The following STAT1 variants were observed in gnomAD, a reference collection of about 807,000 sequenced individuals.
STAT1 encodes the protein signal transducer and activator of transcription 1.
In STAT1, 24 loss-of-function variants were observed where a neutral mutation model predicts 111.7. The observed-to-expected ratio is 0.21, with a 90% confidence interval of 0.16 to 0.30. The LOEUF is 0.30. STAT1 is among the 10% of genes least tolerant of loss of function. STAT1 has a pLI of 1.00. For synonymous variants in STAT1, 332 were observed against 326.5 expected (o/e 1.02, Z -0.18); for missense variants, 351 against 911.9 (o/e 0.38, Z 7.92).
Position 190,980,505 on chromosome 2 carries a change from GAGA to G in STAT1, c.1632+112_1632+114del, listed in dbSNP as rs1295771955. ...ACTTGCCCGAGGGGCTCCTTGGCCA[GAGA>G]AGAACACGCCAAAATAAGCAAACAG... On this transcript the variant is annotated intron_variant, in intron 19 of 24. Coordinates refer to ENST00000361099, the MANE Select transcript of STAT1 (RefSeq NM_007315.4). The surrounding 1 kb of genome is among the most constrained non-coding windows in gnomAD (Gnocchi z 6.1). 1.6e-6 allele frequency: 2 copies of G among 1,275,576 alleles called. No individual in the cohort carries two copies. Among genetic ancestry groups the G allele is most frequent in the Non-Finnish European group, 2.3e-6 (2 of 874,222 alleles). The allele number at this position is 1,275,576 out of a possible 1,614,324, so 79.0% of individuals were successfully genotyped here.
chr2:190,970,781 T>A lies in STAT1; in HGVS notation c.2239-64A>T. ...ATCTTGTGAAATGCAGACTCATACA[T>A]TAAACATTGCTTGTCTATTCTAGAA... is the stretch of plus-strand genomic sequence containing the variant. On this transcript the variant is annotated intron_variant, in intron 24 of 24. Transcript: ENST00000361099. This position sits in a 1 kb window ranked among gnomAD's most constrained non-coding sequence, Gnocchi z 5.4. 1 of 1,452,352 alleles carries A rather than the reference T, an allele frequency of 6.9e-7. No homozygotes were observed. The highest frequency in any genetic ancestry group is 1.7e-5 in the Admixed American group (1 of 59,784). 90.0% of individuals were successfully genotyped at this position (1,452,352 alleles called of 1,614,324 possible). A position where few individuals can be genotyped will look rare whatever the true frequency, so the allele number is the denominator to read the frequency against.
At position 190,982,144 on chromosome 2, in the gene STAT1, T is replaced by C. The variant is rs954496917; in HGVS notation, c.1582+239A>G. Among the ~76,000 whole-genome samples the C allele has an allele frequency of 2.0e-5, 3 of 152,262 alleles. No individual in the cohort carries two copies. The highest frequency in any genetic ancestry group is 4.4e-5 in the Non-Finnish European group (3 of 68,046). ...CATAAAACTTTCCCTTGGGAATTCA[T>C]CTCAGAAATCTTAATATGAGACAAT... is the stretch of plus-strand genomic sequence containing the variant. On this transcript the variant is annotated intron_variant, in intron 18 of 24. Coordinates refer to ENST00000361099, the MANE Select transcript of STAT1 (RefSeq NM_007315.4). This position sits in a 1 kb window ranked among gnomAD's most constrained non-coding sequence, Gnocchi z 7.3.
At chr2:191,011,475 G>A (rs1338527811) in intron 2 of STAT1, among the ~76,000 whole-genome samples, 5 of 152,140 alleles carry the variant, frequency 3.3e-5, no homozygotes, top group African/African-American at 1.2e-4. Flanking sequence ...GGAGCGCAGT[G>A]GCAGTGGAGC....
intron 10 of STAT1, chr2:190,992,620 A>T (rs1693460255): frequency 9.5e-7 from 1 of 1,054,846 alleles, no homozygotes; most frequent in East Asian, 3.3e-5. Flanking sequence ...TTACTGTGAG[A>T]AAAGGATGGA....
chr2:191,008,819 G>T, intron 4 of STAT1, 144 bp downstream of exon 4: 1 of 824,286 alleles, frequency 1.2e-6, no homozygotes, highest in Non-Finnish European at 1.9e-6. Context: ...ATTTACTGAT[G>T]CTGTAGAAAA....
In STAT1 at chr2:190,975,480, T is replaced by C. The variant is rs1341165238; in HGVS notation, c.2135+332A>G. On this transcript the variant is annotated intron_variant, in intron 23 of 24. Coordinates refer to ENST00000361099, the MANE Select transcript of STAT1 (RefSeq NM_007315.4). The surrounding 1 kb of genome is among the most constrained non-coding windows in gnomAD (Gnocchi z 5.9). ...AAAATCAAAGCAAGTGGAGACAGTG[T>C]ATCTCAATCATTACTTTGGCCTTTT... is the stretch of plus-strand genomic sequence containing the variant. 3 of 998,724 alleles carry C rather than the reference T, an allele frequency of 3.0e-6. No individual in the cohort carries two copies. Among genetic ancestry groups the C allele is most frequent in the Admixed American group, 2.3e-5 (1 of 43,550 alleles). 61.9% of individuals were successfully genotyped at this position (998,724 alleles called of 1,614,324 possible). A position where few individuals can be genotyped will look rare whatever the true frequency, so the allele number is the denominator to read the frequency against.
Position 190,977,991 on chromosome 2 carries a change from A to G in STAT1, c.1873+865T>C, listed in dbSNP as rs531303679. Among the ~76,000 whole-genome samples the G allele has an allele frequency of 4.6e-5, 7 of 152,334 alleles. No homozygotes were observed. The highest frequency in any genetic ancestry group is 1.7e-4 in the African/African-American group (7 of 41,572). On this transcript the variant is annotated intron_variant, in intron 21 of 24. Transcript: ENST00000361099. This position sits in a 1 kb window ranked among gnomAD's most constrained non-coding sequence, Gnocchi z 4.7. ...AGAAAGAATACCGTTCCAGAAAAAAAAAATAGAAGAGTATTCCAGAAAAAC... is the reference window on the plus strand; with the variant it reads ...AGAAAGAATACCGTTCCAGAAAAAAGAAATAGAAGAGTATTCCAGAAAAAC...
At chr2:191,005,376 G>A (rs1247650718) in intron 5 of STAT1, among the ~76,000 whole-genome samples, 3 of 152,196 alleles carry the variant, frequency 2.0e-5, no homozygotes, top group South Asian at 2.1e-4. Context: ...TTCAGTCAAC[G>A]ATGGACCGCG....
rs2125014965 is a variant in STAT1, at chr2:190,981,340, C to A, written c.1583-671G>T. On this transcript the variant is annotated intron_variant, in intron 18 of 24. Transcript: ENST00000361099. The surrounding 1 kb of genome is among the most constrained non-coding windows in gnomAD (Gnocchi z 4.1). The stretch of plus-strand genomic sequence containing the variant: ...TTATTTATGCATTTCCCTCAGCTTT[C>A]CTCCAAATAGGACATGGGCTCAGGC... Among the ~76,000 whole-genome samples, 1 of 152,316 alleles carries A rather than the reference C, an allele frequency of 6.6e-6. No homozygotes were observed. Among genetic ancestry groups the A allele is most frequent in the Non-Finnish European group, 1.5e-5 (1 of 68,026 alleles).
chr2:191,013,823 G>C (rs1695327566), intron 1 of STAT1, 145 bp from the exon 2 acceptor site: 2 of 394,986 alleles, frequency 5.1e-6, no homozygotes, highest in Admixed American at 4.4e-5. Context: ...AAGGACAATC[G>C]TGCTGAGCAG....
At position 190,975,615 on chromosome 2, in the gene STAT1, T is replaced by C. The variant is rs1481752857; in HGVS notation, c.2135+197A>G. The C allele has an allele frequency of 6.9e-7, 1 of 1,442,136 alleles. No individual in the cohort carries two copies. The highest frequency in any genetic ancestry group is 1.4e-5 in the African/African-American group (1 of 69,524). The allele number at this position is 1,442,136 out of a possible 1,614,324, so 89.3% of individuals were successfully genotyped here. A position where few individuals can be genotyped will look rare whatever the true frequency, so the allele number is the denominator to read the frequency against. ...AAATTTATATACCTTAAATACAAATTTGGTTTTTGGCTTTTTTTTTTTTTT... is the reference window on the plus strand; with the variant it reads ...AAATTTATATACCTTAAATACAAATCTGGTTTTTGGCTTTTTTTTTTTTTT... On this transcript the variant is annotated intron_variant, in intron 23 of 24. Transcript: ENST00000361099. The surrounding 1 kb of genome is among the most constrained non-coding windows in gnomAD (Gnocchi z 5.9).
At position 190,975,451 on chromosome 2, in the gene STAT1, C is replaced by T. The variant is rs2124995191; in HGVS notation, c.2135+361G>A. On this transcript the variant is annotated intron_variant, in intron 23 of 24. Coordinates refer to ENST00000361099, the MANE Select transcript of STAT1 (RefSeq NM_007315.4). This position sits in a 1 kb window ranked among gnomAD's most constrained non-coding sequence, Gnocchi z 5.9. ...TTTTTCTACCTTTTATAAAATGAAACAACAAAATCAAAGCAAGTGGAGACA... is the reference window on the plus strand; with the variant it reads ...TTTTTCTACCTTTTATAAAATGAAATAACAAAATCAAAGCAAGTGGAGACA... 1.1e-6 allele frequency: 1 copy of T among 902,764 alleles called. No individual in the cohort carries two copies. The highest frequency in any genetic ancestry group is 1.4e-5 in the South Asian group (1 of 72,372). 55.9% of individuals were successfully genotyped at this position (902,764 alleles called of 1,614,324 possible). A position where few individuals can be genotyped will look rare whatever the true frequency, so the allele number is the denominator to read the frequency against.
Position 190,999,513 on chromosome 2 carries a change from G to A in STAT1, c.541+113C>T. The A allele has an allele frequency of 1.3e-6, 1 of 779,196 alleles. No homozygotes were observed. The highest frequency in any genetic ancestry group is 2.3e-6 in the Non-Finnish European group (1 of 441,668). The allele number at this position is 779,196 out of a possible 1,614,324, so 48.3% of individuals were successfully genotyped here. ...AGCCCTGGCCTGGGTTATCAAGGAA[G>A]AATTCAGAGTCATAAAATACTCGGC... On this transcript the variant is annotated intron_variant, in intron 7 of 24. Transcript: ENST00000361099. The surrounding 1 kb of genome is among the most constrained non-coding windows in gnomAD (Gnocchi z 4.1).
Position 190,974,985 on chromosome 2 carries a change from C to T in STAT1, c.2136-53G>A, listed in dbSNP as rs1489059156. Reference sequence around the variant, plus strand: ...TGTCAACATCTGAGTGATGAAAGCACTAGTGCATACTTACACACTTTATCT... The same window carrying T: ...TGTCAACATCTGAGTGATGAAAGCATTAGTGCATACTTACACACTTTATCT... On this transcript the variant is annotated intron_variant, in intron 23 of 24. Coordinates refer to ENST00000361099, the MANE Select transcript of STAT1 (RefSeq NM_007315.4). This position sits in a 1 kb window ranked among gnomAD's most constrained non-coding sequence, Gnocchi z 4.8. 1.6e-6 allele frequency: 2 copies of T among 1,257,214 alleles called. No homozygotes were observed. Among genetic ancestry groups the T allele is most frequent in the Non-Finnish European group, 1.2e-6 (1 of 860,090 alleles). 77.9% of individuals were successfully genotyped at this position (1,257,214 alleles called of 1,614,324 possible).
Position 190,974,453 on chromosome 2 carries a change from TAA to T in STAT1, c.2238+375_2238+376del, listed in dbSNP as rs1422677352. Reference sequence around the variant, plus strand: ...GCGTTAGTCCCTCCCTTTCTAAAAATAACACTCCCTCCCCTAGACACAGTGAT... The same window carrying T: ...GCGTTAGTCCCTCCCTTTCTAAAAATCACTCCCTCCCCTAGACACAGTGAT... On this transcript the variant is annotated intron_variant, in intron 24 of 24. Coordinates refer to ENST00000361099, the MANE Select transcript of STAT1 (RefSeq NM_007315.4). This position sits in a 1 kb window ranked among gnomAD's most constrained non-coding sequence, Gnocchi z 4.8. Among the ~76,000 whole-genome samples, 1 of 152,158 alleles carries T rather than the reference TAA, an allele frequency of 6.6e-6. No individual in the cohort carries two copies. The highest frequency in any genetic ancestry group is 1.5e-5 in the Non-Finnish European group (1 of 68,030).
At position 190,993,193 on chromosome 2, in the gene STAT1, C is replaced by T. The variant is rs878894507; in HGVS notation, c.944+1868G>A. The T allele has an allele frequency of 9.3e-6, 5 of 535,432 alleles. No homozygotes were observed. In the East Asian group the frequency reaches 1.5e-4, roughly 16 times the overall value. The allele number at this position is 535,432 out of a possible 1,614,324, so 33.2% of individuals were successfully genotyped here. A position where few individuals can be genotyped will look rare whatever the true frequency, so the allele number is the denominator to read the frequency against. ...CTACTTTCTCTGTGGTCAGATCACA[C>T]TTGTTCCCTACCAACAATTTGTTGA... On this transcript the variant is annotated intron_variant, in intron 10 of 24. Coordinates refer to ENST00000361099, the MANE Select transcript of STAT1 (RefSeq NM_007315.4). The surrounding 1 kb of genome is among the most constrained non-coding windows in gnomAD (Gnocchi z 4.1).
chr2:191,007,503 T>C lies in STAT1; in HGVS notation c.372+60A>G. On this transcript the variant is annotated intron_variant, in intron 5 of 24. Coordinates refer to ENST00000361099, the MANE Select transcript of STAT1 (RefSeq NM_007315.4). This position sits in a 1 kb window ranked among gnomAD's most constrained non-coding sequence, Gnocchi z 4.2. ...GCTTTGACATGGGCCCTAATAGTATTTGATGAATGAATACATTTTTATTTT... is the reference window on the plus strand; with the variant it reads ...GCTTTGACATGGGCCCTAATAGTATCTGATGAATGAATACATTTTTATTTT... The C allele has an allele frequency of 2.4e-6, 3 of 1,273,606 alleles. No homozygotes were observed. Among genetic ancestry groups the C allele is most frequent in the South Asian group, 1.2e-5 (1 of 83,690 alleles). The allele number at this position is 1,273,606 out of a possible 1,614,324, so 78.9% of individuals were successfully genotyped here. A position where few individuals can be genotyped will look rare whatever the true frequency, so the allele number is the denominator to read the frequency against.
chr2:191,011,609 G>A (rs1054942050), intron 2 of STAT1, among the ~76,000 whole-genome samples: 2 of 152,098 alleles, frequency 1.3e-5, no homozygotes, highest in African/African-American at 2.4e-5. Flanking sequence ...ACCTCGAATT[G>A]TAATATAATT....
At position 191,001,997 on chromosome 2, in the gene STAT1, C is replaced by T. The variant is rs115408922; in HGVS notation, c.373-834G>A. 7.8e-4 allele frequency among the ~76,000 whole-genome samples: 119 copies of T among 152,340 alleles called. 2 individuals are homozygous for T. Among genetic ancestry groups the T allele is most frequent in the African/African-American group, 2.7e-3 (112 of 41,578 alleles). On this transcript the variant is annotated intron_variant, in intron 5 of 24. Coordinates refer to ENST00000361099, the MANE Select transcript of STAT1 (RefSeq NM_007315.4). ...AACCTTTCTTACACAGTGCCCTATA[C>T]AGCACAGATTCTACGGGGGTGTTTT...
Sources: allele counts gnomAD v4.1 joint callset (sites outside exome capture counted in the v4.1 genomes callset), GRCh38; gene constraint gnomAD v4.1.1; non-coding constraint Gnocchi (gnomAD v3.1); transcripts MANE v1.5; gene names NCBI Gene and HGNC (gene_info 2026-07-23, HGNC 2026-07-21).